TMEM108: variants seen among roughly 807,000 people sequenced by gnomAD.
The protein encoded by TMEM108 is transmembrane protein 108.
A neutral mutation model predicts 35.1 loss-of-function variants in TMEM108; 12 were observed. The ratio of observed to expected loss-of-function variants is 0.34; its 90% CI spans 0.22 to 0.55. TMEM108 has a LOEUF of 0.55. Ranked by LOEUF, TMEM108 falls within the 20% of genes least tolerant of loss-of-function variation. The pLI is 0.89. For missense variants in TMEM108, 680 were observed against 753.3 expected (o/e 0.90, Z 1.14); for synonymous variants, 287 against 308.6 (o/e 0.93, Z 0.73).
chr3:133,304,143 C>A (rs1347817617), intron 3 of TMEM108, among the ~76,000 whole-genome samples: 1 of 152,128 alleles, frequency 6.6e-6, no homozygotes, highest in Non-Finnish European at 1.5e-5. Flanking sequence ...CAGCATAATA[C>A]CTAGTACATA....
At chr3:133,130,928 C>T (rs912278796) in intron 2 of TMEM108, among the ~76,000 whole-genome samples, 1 of 152,160 alleles carries the variant, frequency 6.6e-6, no homozygotes, top group African/African-American at 2.4e-5. Flanking sequence ...AAATTTATGA[C>T]ACTCTATCTA....
intron 2 of TMEM108, among the ~76,000 whole-genome samples, chr3:133,174,285 T>C (rs1945176903): frequency 6.6e-6 from 1 of 152,236 alleles, no homozygotes; most frequent in Admixed American, 6.5e-5. Context: ...AGCAGAATCC[T>C]CTGCAGACTT....
chr3:133,080,749 CCAGTA>C (rs1943799075), intron 2 of TMEM108, among the ~76,000 whole-genome samples: 1 of 152,114 alleles, frequency 6.6e-6, no homozygotes, highest in African/African-American at 2.4e-5. Context: ...TAGAGGAAAG[CCAGTA>C]CAGTTCAATG....
At chr3:133,114,061 T>G (rs572669431) in intron 2 of TMEM108, among the ~76,000 whole-genome samples, 2 of 152,314 alleles carry the variant, frequency 1.3e-5, no homozygotes, top group Admixed American at 6.5e-5. Flanking sequence ...ATCAAAATGA[T>G]GTCCTTGGAG....
chr3:133,279,971 G>T (rs1413151342), intron 3 of TMEM108, among the ~76,000 whole-genome samples: 1 of 152,168 alleles, frequency 6.6e-6, no homozygotes, highest in African/African-American at 2.4e-5. Flanking sequence ...TGCCCCTTAA[G>T]AGTTCTGTGT....
At position 133,397,534 on chromosome 3, in the gene TMEM108, C is replaced by T. The variant is rs1366881440; in HGVS notation, c.*1548C>T. ...TGTTTCTCTAAGTTTAATTTTCTAG[C>T]GTGTTGTTGTCTTACCTTTTTAACC... is the stretch of plus-strand genomic sequence containing the variant. On this transcript the variant is annotated 3_prime_UTR_variant, in exon 6 of 6. Transcript: ENST00000321871. 2 of 152,098 alleles carry T rather than the reference C, an allele frequency of 1.3e-5. No homozygotes were observed. The highest frequency in any genetic ancestry group is 2.9e-5 in the Non-Finnish European group (2 of 68,020). The allele number at this position is 152,098 out of a possible 1,614,324, so 9.4% of individuals were successfully genotyped here.
chr3:133,190,051 T>A lies in TMEM108; in HGVS notation c.-46-39215T>A, dbSNP rs1472962413. On this transcript the variant is annotated intron_variant, in intron 2 of 5. Coordinates refer to ENST00000321871, the MANE Select transcript of TMEM108 (RefSeq NM_023943.4). ...AATGAAGTATTGCTTTCTTATTGAT[T>A]GTAGTACTGACTTCATCTGCCAGGA... 2.6e-5 allele frequency among the ~76,000 whole-genome samples: 4 copies of A among 151,976 alleles called. No homozygotes were observed. In the South Asian group the frequency reaches 8.3e-4, roughly 32 times the overall value.
At chr3:133,162,396 T>G (rs1944973897) in intron 2 of TMEM108, among the ~76,000 whole-genome samples, 1 of 152,190 alleles carries the variant, frequency 6.6e-6, no homozygotes, top group African/African-American at 2.4e-5. Flanking sequence ...GAAAAGAACA[T>G]GATACTAGTC....
chr3:133,332,708 A>G (rs1460889485), intron 3 of TMEM108, among the ~76,000 whole-genome samples: 2 of 152,146 alleles, frequency 1.3e-5, no homozygotes, highest in South Asian at 2.1e-4. Flanking sequence ...TAGCCATTCT[A>G]TTTTAGTCAT....
chr3:133,290,953 A>G (rs1947054328), intron 3 of TMEM108, among the ~76,000 whole-genome samples: 1 of 152,220 alleles, frequency 6.6e-6, no homozygotes, highest in South Asian at 2.1e-4. Context: ...ATGGTAAATG[A>G]CACTAACTAA....
rs563409678 is a variant in TMEM108, at chr3:133,116,465, A to G, written c.-47+70445A>G. Among the ~76,000 whole-genome samples, 22 of 152,296 alleles carry G rather than the reference A, an allele frequency of 1.4e-4. No homozygotes were observed. The South Asian group carries it at 2.9e-3, about 20-fold the overall frequency. On this transcript the variant is annotated intron_variant, in intron 2 of 5. Transcript: ENST00000321871. ...TTTTCTTAATATTCATTTTTCATGA[A>G]CTTTTTGAAGACTTCTTGTATTTTA...
intron 2 of TMEM108, among the ~76,000 whole-genome samples, chr3:133,139,641 C>T (rs1351273934): frequency 6.6e-6 from 1 of 152,176 alleles, no homozygotes; most frequent in African/African-American, 2.4e-5. Context: ...TTTGCCCAGC[C>T]TTGTATACCT....
chr3:133,337,985 G>C (rs939101268), intron 3 of TMEM108, among the ~76,000 whole-genome samples: 1 of 152,024 alleles, frequency 6.6e-6, no homozygotes, highest in African/African-American at 2.4e-5. Context: ...TTGAAGACAG[G>C]CTATTTAAAA....
intron 2 of TMEM108, among the ~76,000 whole-genome samples, chr3:133,199,223 T>G (rs1312508094): frequency 6.6e-6 from 1 of 152,242 alleles, no homozygotes; most frequent in Non-Finnish European, 1.5e-5. Context: ...TTCTTTGCAA[T>G]GGGTTCGAAC....
At chr3:133,392,952 G>C (rs923948593) in intron 5 of TMEM108, among the ~76,000 whole-genome samples, 11 of 152,188 alleles carry the variant, frequency 7.2e-5, no homozygotes, top group Non-Finnish European at 1.5e-4. Flanking sequence ...GTCCGCCACA[G>C]CTTCCACTTT....
At position 133,184,688 on chromosome 3, in the gene TMEM108, G is replaced by T. The variant is rs190068597; in HGVS notation, c.-46-44578G>T. ...AAATTATGTAATTAAAAGAACAAAA[G>T]AAATGGATGTAAACAGACTTGTAGA... On this transcript the variant is annotated intron_variant, in intron 2 of 5. Coordinates refer to ENST00000321871, the MANE Select transcript of TMEM108 (RefSeq NM_023943.4). Among the ~76,000 whole-genome samples the T allele has an allele frequency of 3.6e-4, 55 of 152,238 alleles. 1 individual carries two copies. Among genetic ancestry groups the T allele is most frequent in the African/African-American group, 1.3e-3 (52 of 41,542 alleles).
At chr3:133,078,185 G>GTGTGTA (rs1423550786) in intron 2 of TMEM108, among the ~76,000 whole-genome samples, 4 of 115,694 alleles carry the variant, frequency 3.5e-5, no homozygotes, top group African/African-American at 9.7e-5. Context: ...ACACGTGTGT[G>GTGTGTA]TGTATATCTC....
At chr3:133,075,357 A>G (rs887771302) in intron 2 of TMEM108, among the ~76,000 whole-genome samples, 6 of 152,182 alleles carry the variant, frequency 3.9e-5, no homozygotes, top group African/African-American at 9.7e-5. Context: ...TGTTTCCCCA[A>G]CACTCCACCA....
intron 3 of TMEM108, among the ~76,000 whole-genome samples, chr3:133,343,357 CTGTT>C: frequency 6.6e-6 from 1 of 151,980 alleles, no homozygotes; most frequent in Non-Finnish European, 1.5e-5. Flanking sequence ...AGCAATCTCA[CTGTT>C]TGGTGTTTAT....
Sources: allele counts gnomAD v4.1 joint callset (sites outside exome capture counted in the v4.1 genomes callset), GRCh38; gene constraint gnomAD v4.1.1; transcripts MANE v1.5; gene names NCBI Gene and HGNC (gene_info 2026-07-23, HGNC 2026-07-21).